The following COL19A1 variants were observed in gnomAD, a reference collection of about 807,000 sequenced individuals.
COL19A1 encodes collagen type XIX alpha 1 chain.
COL19A1 carries 159 observed loss-of-function variants against 190.2 expected under a neutral mutation model. That is an observed-to-expected ratio of 0.84 (90% confidence interval 0.73 to 0.95). COL19A1 has a LOEUF of 0.95. Among genes scored for constraint, COL19A1 ranks in the 40% least tolerant of loss-of-function variants. COL19A1 has a pLI of 0.00. For missense variants in COL19A1, 1,418 were observed against 1,431.9 expected (o/e 0.99, Z 0.16); for synonymous variants, 509 against 458.9 (o/e 1.11, Z -1.39).
intron 16 of COL19A1, among the ~76,000 whole-genome samples, chr6:70,113,525 T>C (rs1175815077): frequency 1.3e-5 from 2 of 152,216 alleles, no homozygotes; most frequent in African/African-American, 4.8e-5. Flanking sequence ...CTTGATTAGC[T>C]AGTATTTTAT....
At chr6:70,115,546 A>C (rs190035042) in intron 16 of COL19A1, among the ~76,000 whole-genome samples, 1 of 152,312 alleles carries the variant, frequency 6.6e-6, no homozygotes, top group East Asian at 1.9e-4. Context: ...AAAAAAAATA[A>C]GACTTTTGTT....
chr6:70,107,858 G>A (rs1436794917), intron 16 of COL19A1, among the ~76,000 whole-genome samples: 2 of 152,100 alleles, frequency 1.3e-5, no homozygotes, highest in Admixed American at 6.6e-5. Flanking sequence ...TTTACCATCT[G>A]AGCTGTTGCA....
chr6:69,920,815 TTTTA>T (rs1771652713), intron 4 of COL19A1, among the ~76,000 whole-genome samples: 1 of 150,350 alleles, frequency 6.7e-6, no homozygotes, highest in African/African-American at 2.4e-5. Context: ...TGGATAAAAT[TTTTA>T]TTTATGACAT....
At chr6:70,040,390 C>T (rs1443448019) in intron 14 of COL19A1, among the ~76,000 whole-genome samples, 2 of 152,106 alleles carry the variant, frequency 1.3e-5, no homozygotes, top group Non-Finnish European at 2.9e-5. Flanking sequence ...CTAGGTTCAG[C>T]TACAATAGCT....
intron 9 of COL19A1, among the ~76,000 whole-genome samples, chr6:69,942,263 G>A (rs542779448): frequency 6.6e-4 from 100 of 152,016 alleles, no homozygotes; most frequent in Non-Finnish European, 1.1e-3. Flanking sequence ...ACAATTATAC[G>A]TATTTATGGA....
chr6:70,108,415 A>G (rs1784096567), intron 16 of COL19A1, among the ~76,000 whole-genome samples: 1 of 152,134 alleles, frequency 6.6e-6, no homozygotes, highest in Admixed American at 6.6e-5. Flanking sequence ...GAAATTCAAA[A>G]AATTTTGTAA....
chr6:69,939,696 A>T (rs529162273), intron 9 of COL19A1, among the ~76,000 whole-genome samples: 1 of 152,136 alleles, frequency 6.6e-6, no homozygotes, highest in Non-Finnish European at 1.5e-5. Flanking sequence ...AGAGCCACAC[A>T]TAGGTAAATT....
At chr6:69,957,993 T>C (rs1423681614) in intron 9 of COL19A1, among the ~76,000 whole-genome samples, 1 of 152,206 alleles carries the variant, frequency 6.6e-6, no homozygotes, top group Non-Finnish European at 1.5e-5. Context: ...GCAGAGACCA[T>C]TTAATGCTGG....
chr6:69,986,069 GA>G (rs972345550), intron 11 of COL19A1, among the ~76,000 whole-genome samples: 1 of 151,724 alleles, frequency 6.6e-6, no homozygotes, highest in African/African-American at 2.4e-5. Flanking sequence ...TGAAAATAAA[GA>G]ACTCTTTCTT....
chr6:69,948,702 C>T (rs1381837758), intron 9 of COL19A1, among the ~76,000 whole-genome samples: 1 of 151,758 alleles, frequency 6.6e-6, no homozygotes, highest in Non-Finnish European at 1.5e-5. Context: ...TGGAGCAAGT[C>T]AGTATTTCAG....
At chr6:70,021,846 C>T (rs1778431829) in intron 11 of COL19A1, among the ~76,000 whole-genome samples, 1 of 152,130 alleles carries the variant, frequency 6.6e-6, no homozygotes, top group Admixed American at 6.6e-5. Flanking sequence ...GCTGCTGTAT[C>T]GGACAGCACA....
chr6:70,098,550 T>C (rs922962619), intron 15 of COL19A1: 1 of 445,524 alleles, frequency 2.2e-6, no homozygotes, highest in African/African-American at 2.0e-5. Context: ...TTATACTTCC[T>C]CTTGCACTTA....
chr6:70,022,391 C>A (rs1053704145), intron 11 of COL19A1, among the ~76,000 whole-genome samples: 5 of 152,074 alleles, frequency 3.3e-5, no homozygotes, highest in South Asian at 2.1e-4. Context: ...GGAAAAAAAT[C>A]ATCTGTAATC....
chr6:70,167,790 T>C (rs1168422990), intron 37 of COL19A1, among the ~76,000 whole-genome samples: 1 of 152,226 alleles, frequency 6.6e-6, no homozygotes, highest in Admixed American at 6.5e-5. Flanking sequence ...CAACTGAAAG[T>C]ATCCGTGTGC....
intron 11 of COL19A1, among the ~76,000 whole-genome samples, chr6:69,996,308 A>G (rs1450201665): frequency 1.3e-5 from 2 of 152,256 alleles, no homozygotes; most frequent in East Asian, 1.9e-4. Flanking sequence ...TCCTGTTTCC[A>G]AGCACTAGAC....
chr6:70,091,717 G>A (rs978543510), intron 15 of COL19A1, among the ~76,000 whole-genome samples: 2 of 151,992 alleles, frequency 1.3e-5, no homozygotes, highest in Admixed American at 1.3e-4. Context: ...CCCTAGAGGT[G>A]AACAGAGAAA....
Position 69,932,838 on chromosome 6 carries a change from C to T in COL19A1, c.722C>T (p.Thr241Ile), listed in dbSNP as rs572662855. Reference protein sequence around the residue: ...YCSANLIAQETCCEISDTKCP... With the variant: ...YCSANLIAQEICCEISDTKCP... Reference sequence around the variant, plus strand: ...AGTGCAAACCTCATAGCTCAAGAAACATGTTGTGAAATATCAGATACTAAG... The same window carrying T: ...AGTGCAAACCTCATAGCTCAAGAAATATGTTGTGAAATATCAGATACTAAG... Residue 241 changes from threonine (T) to isoleucine (I), a missense_variant, in exon 7 of 51, where the codon ACA becomes ATA. Transcript: ENST00000620364. 2 of 1,607,120 alleles carry T rather than the reference C, an allele frequency of 1.2e-6. No homozygotes were observed. Among genetic ancestry groups the T allele is most frequent in the Non-Finnish European group, 1.7e-6 (2 of 1,175,660 alleles).
chr6:70,183,723 A>G (rs532642322), intron 44 of COL19A1, among the ~76,000 whole-genome samples: 3 of 152,344 alleles, frequency 2.0e-5, no homozygotes, highest in African/African-American at 7.2e-5. Context: ...ACTGTGACAG[A>G]TTTCAGCATA....
At chr6:70,102,121 A>C (rs754395507) in intron 15 of COL19A1, 48 bp from the exon 16 acceptor site, 2 of 1,395,212 alleles carry the variant, frequency 1.4e-6, no homozygotes, top group Non-Finnish European at 2.0e-6. Context: ...TGATATTAAA[A>C]TATAATGGAG....
Sources: allele counts gnomAD v4.1 joint callset (sites outside exome capture counted in the v4.1 genomes callset), GRCh38; gene constraint gnomAD v4.1.1; transcripts MANE v1.5; gene names NCBI Gene and HGNC (gene_info 2026-07-23, HGNC 2026-07-21).